EDIL3: variants seen among roughly 807,000 people sequenced by gnomAD.
EDIL3 encodes EGF-like repeat and discoidin I-like domain-containing protein 3.
In EDIL3, 37 loss-of-function variants were observed where a neutral mutation model predicts 67.4. The ratio of observed to expected loss-of-function variants is 0.55; its 90% confidence interval spans 0.42 to 0.72. The LOEUF (loss-of-function observed/expected upper bound fraction) is 0.72, where lower values mean the gene tolerates loss of function less well. EDIL3 is among the 30% of genes least tolerant of loss of function. The pLI is 0.00. For synonymous variants in EDIL3, 195 were observed against 196.3 expected (o/e 0.99, Z 0.05); for missense variants, 527 against 586.3 (o/e 0.90, Z 1.04).
chr5:84,056,766 A>T (rs1387764997), intron 9 of EDIL3, among the ~76,000 whole-genome samples: 5 of 152,130 alleles, frequency 3.3e-5, no homozygotes, highest in African/African-American at 1.2e-4. Context: ...TTTTCTTCTG[A>T]AGAGCTACTG....
chr5:84,089,821 C>T (rs1324893832), intron 6 of EDIL3, among the ~76,000 whole-genome samples: 6 of 152,142 alleles, frequency 3.9e-5, no homozygotes, highest in Non-Finnish European at 8.8e-5. Flanking sequence ...TTTCTCCATC[C>T]CCAGTGCGAC....
At position 84,060,481 on chromosome 5, in the gene EDIL3, C is replaced by G. The variant is rs1365175452; in HGVS notation, c.956G>C (p.Cys319Ser). The part of the protein sequence containing the change: ...MELLGCELSG[C>S]SEPLGMKSGH... ...TGATTTCATACCCAGAGGCTCAGAACAACCTGAAAGAAAATGAGAAGGGCT... is the reference window on the plus strand; with the variant it reads ...TGATTTCATACCCAGAGGCTCAGAAGAACCTGAAAGAAAATGAGAAGGGCT... Residue 319 changes from cysteine to serine, a missense_variant, in exon 9 of 11, where the codon TGT becomes TCT. Physicochemically the swap from Cys to Ser is moderately radical, Grantham distance 112. Around this residue, in one of 2 missense-constraint regions of EDIL3, gnomAD observed 494 missense variants for 522.5 expected, o/e 0.95. Transcript: ENST00000296591. 6.2e-7 allele frequency: 1 copy of G among 1,613,064 alleles called. No homozygotes were observed.
chr5:84,197,041 G>C (rs1473351776), intron 3 of EDIL3: 1 of 151,896 alleles, frequency 6.6e-6, no homozygotes, highest in Non-Finnish European at 1.5e-5. Flanking sequence ...TGAGCAACAG[G>C]TCCCGCTTAT....
chr5:84,209,928 G>A (rs1415572309), intron 3 of EDIL3, among the ~76,000 whole-genome samples: 1 of 152,104 alleles, frequency 6.6e-6, no homozygotes, highest in Non-Finnish European at 1.5e-5. Context: ...TGAGACACTT[G>A]GCTCTTGTTA....
chr5:84,125,340 T>C (rs1355722281), intron 5 of EDIL3, among the ~76,000 whole-genome samples: 1 of 152,058 alleles, frequency 6.6e-6, no homozygotes, highest in Non-Finnish European at 1.5e-5. Flanking sequence ...CATGATGTTA[T>C]TGCCACAGCC....
chr5:84,381,423 A>G (rs972912823), intron 1 of EDIL3, among the ~76,000 whole-genome samples: 2 of 152,174 alleles, frequency 1.3e-5, no homozygotes, highest in Non-Finnish European at 2.9e-5. Flanking sequence ...TTTAATGGTC[A>G]GGTAAATTAG....
At chr5:84,133,949 A>G (rs1214631650) in intron 5 of EDIL3, among the ~76,000 whole-genome samples, 1 of 152,060 alleles carries the variant, frequency 6.6e-6, no homozygotes, top group Non-Finnish European at 1.5e-5. Flanking sequence ...TTAGAAAATA[A>G]TTACTTAAAA....
chr5:84,104,571 A>G (rs375295466), intron 6 of EDIL3, among the ~76,000 whole-genome samples: 6 of 152,094 alleles, frequency 3.9e-5, no homozygotes, highest in African/African-American at 1.4e-4. Flanking sequence ...AAAACCTTTC[A>G]TGTTTACTTT....
chr5:84,270,873 G>A (rs1441842470), intron 1 of EDIL3, among the ~76,000 whole-genome samples: 1 of 151,884 alleles, frequency 6.6e-6, no homozygotes, highest in Non-Finnish European at 1.5e-5. Flanking sequence ...CATAAATAAC[G>A]GTCTAGATTA....
intron 9 of EDIL3, among the ~76,000 whole-genome samples, chr5:84,017,162 CCCCA>C (rs1215549175): frequency 6.6e-6 from 1 of 152,186 alleles, no homozygotes; most frequent in Non-Finnish European, 1.5e-5. Context: ...TCATATTTCC[CCCCA>C]CATTCAACCT....
chr5:84,305,182 A>G (rs1355160311), intron 1 of EDIL3, among the ~76,000 whole-genome samples: 1 of 152,254 alleles, frequency 6.6e-6, no homozygotes, highest in Non-Finnish European at 1.5e-5. Context: ...TAAATAACCC[A>G]GATTTCACCC....
chr5:83,963,419 T>C, intron 9 of EDIL3, 59 bp from the exon 10 acceptor site: 2 of 1,514,548 alleles, frequency 1.3e-6, no homozygotes, highest in Non-Finnish European at 1.8e-6. Flanking sequence ...AACTTCCAAG[T>C]CTTTTGATGT....
chr5:84,199,445 C>T (rs574393642), intron 3 of EDIL3, among the ~76,000 whole-genome samples: 2 of 152,012 alleles, frequency 1.3e-5, no homozygotes, highest in Admixed American at 6.6e-5. Context: ...AACTTCATCT[C>T]TTATACTGAG....
chr5:84,102,388 G>T (rs1747383043), intron 6 of EDIL3, among the ~76,000 whole-genome samples: 2 of 152,008 alleles, frequency 1.3e-5, no homozygotes, highest in Non-Finnish European at 2.9e-5. Context: ...ATCCCTGTTT[G>T]CAGAGGACAT....
At chr5:84,007,149 T>C (rs1745432606) in intron 9 of EDIL3, among the ~76,000 whole-genome samples, 1 of 152,164 alleles carries the variant, frequency 6.6e-6, no homozygotes, top group East Asian at 1.9e-4. Context: ...AGATACAAGA[T>C]TTAAATCTAA....
At chr5:84,285,398 T>C (rs568286581) in intron 1 of EDIL3, among the ~76,000 whole-genome samples, 1 of 152,288 alleles carries the variant, frequency 6.6e-6, no homozygotes, top group South Asian at 2.1e-4. Flanking sequence ...CTGAAGCCAG[T>C]TGGGAGCTAC....
At chr5:84,050,584 C>T (rs34981486) in intron 9 of EDIL3, among the ~76,000 whole-genome samples, 27,473 of 152,152 alleles carry the variant, frequency 0.18, 2,902 homozygotes, top group Admixed American at 0.24. Context: ...CTGTGACAGA[C>T]GGCACCTGGA....
intron 10 of EDIL3, among the ~76,000 whole-genome samples, chr5:83,956,065 CTAA>C (rs1183611214): frequency 6.6e-6 from 1 of 151,756 alleles, no homozygotes; most frequent in East Asian, 2.0e-4. Context: ...GTTCCTGTGG[CTAA>C]TGAGTCACTC....
chr5:84,250,906 G>A (rs1423601808), intron 2 of EDIL3, among the ~76,000 whole-genome samples: 1 of 151,964 alleles, frequency 6.6e-6, no homozygotes, highest in Non-Finnish European at 1.5e-5. Flanking sequence ...CTATCTTTGT[G>A]GTAACTAATA....
Sources: allele counts gnomAD v4.1 joint callset (sites outside exome capture counted in the v4.1 genomes callset), GRCh38; gene constraint gnomAD v4.1.1; regional missense constraint gnomAD v4.1.1; transcripts MANE v1.5; gene names NCBI Gene and HGNC (gene_info 2026-07-23, HGNC 2026-07-21).